RBM28: variants seen among roughly 807,000 people sequenced by gnomAD.
RBM28 encodes RNA-binding protein 28.
RBM28 carries 78 observed loss-of-function variants against 98.3 expected under a neutral mutation model. The observed-to-expected ratio is 0.79, with a 90% CI of 0.66 to 0.96. RBM28 has a LOEUF of 0.96. Among genes scored for constraint, RBM28 ranks in the 40% least tolerant of loss-of-function variants. The probability of loss-of-function intolerance (pLI) is 0.00; values close to 1 mark genes in which losing one functional copy is unlikely to be tolerated. For missense variants in RBM28, 838 were observed against 913.0 expected, an observed-to-expected ratio of 0.92 and a Z score of 1.06; for synonymous variants, 306 against 330.9, an observed-to-expected ratio of 0.92 and a Z score of 0.82.
intron 14 of RBM28, 90 bp from the exon 15 acceptor site, chr7:128,318,196 G>A (rs1796147192): frequency 7.4e-7 from 1 of 1,344,468 alleles, no homozygotes; most frequent in Non-Finnish European, 1.0e-6. Flanking sequence ...TAAGAAATCA[G>A]GCTATTGGGT....
chr7:128,330,332 C>T (rs917775728), intron 10 of RBM28, among the ~76,000 whole-genome samples: 3 of 145,996 alleles, frequency 2.1e-5, no homozygotes, highest in Admixed American at 1.4e-4. Flanking sequence ...ATTAAAGATG[C>T]TGAGTGTGAC....
In RBM28 at chr7:128,309,563, G is replaced by C. The variant is rs1795935180; in HGVS notation, c.*1234C>G. The C allele has an allele frequency of 6.6e-6, 1 of 151,634 alleles. No individual in the cohort carries two copies. Among genetic ancestry groups the C allele is most frequent in the Non-Finnish European group, 1.5e-5 (1 of 68,032 alleles). The allele number at this position is 151,634 out of a possible 1,614,324, so 9.4% of individuals were successfully genotyped here. ...CGGGAAAGTCGCTTGAACCCGGGAG[G>C]TGGAGGTTGCAATGAGCTGAGACAG... On this transcript the variant is annotated 3_prime_UTR_variant, in exon 19 of 19. Coordinates refer to ENST00000223073, the MANE Select transcript of RBM28 (RefSeq NM_018077.3).
intron 9 of RBM28, among the ~76,000 whole-genome samples, chr7:128,331,761 AT>A (rs1434664218): frequency 6.6e-6 from 1 of 151,904 alleles, no homozygotes; most frequent in Non-Finnish European, 1.5e-5. Flanking sequence ...TCAACACAGT[AT>A]AAAGATTCCT....
chr7:128,333,352 G>T lies in RBM28; in HGVS notation c.957C>A (p.Val319=). 1 of 1,598,996 alleles carries T rather than the reference G, an allele frequency of 6.3e-7. No homozygotes were observed. Among genetic ancestry groups the T allele is most frequent in the Non-Finnish European group, 8.6e-7 (1 of 1,166,298 alleles). Residue 319 remains valine (V), a synonymous_variant, in exon 9 of 19, where the codon GTC becomes GTA. Coordinates refer to ENST00000223073, the MANE Select transcript of RBM28 (RefSeq NM_018077.3). ...GTAATTTCCTCTTCTTTTTGTTTGA[G>T]ACTTGCACAGCTAAGGTAAAAAGAA... ...TEEQEDKAVQ[V]SNKKKRKLPS... is the part of the protein sequence containing the mutation.
rs1189267864 is a variant in RBM28, at chr7:128,303,238, G to A, written c.*7559C>T. 1 of 152,198 alleles carries A rather than the reference G, an allele frequency of 6.6e-6. No homozygotes were observed. The highest frequency in any genetic ancestry group is 2.4e-5 in the African/African-American group (1 of 41,438). The allele number at this position is 152,198 out of a possible 1,614,324, so 9.4% of individuals were successfully genotyped here. On this transcript the variant is annotated 3_prime_UTR_variant, in exon 19 of 19. Transcript: ENST00000223073. Reference sequence around the variant, plus strand: ...GAGACAGTTCCTGAAATAGGCCCTAGAGACAGCACTCACGGCCAAGTGGGA... The same window carrying A: ...GAGACAGTTCCTGAAATAGGCCCTAAAGACAGCACTCACGGCCAAGTGGGA...
In RBM28 at chr7:128,310,982, T is replaced by A. The variant is rs367982445; in HGVS notation, c.2146-51A>T. The A allele has an allele frequency of 1.9e-6, 3 of 1,576,580 alleles. No homozygotes were observed. In the African/African-American group the frequency reaches 4.1e-5, roughly 21 times the overall value. ...AATATAATCAATTTCAAAGACTATA[T>A]ATCACCTTACCCTCAGGCCACCCAA... On this transcript the variant is annotated intron_variant, in intron 18 of 18. Coordinates refer to ENST00000223073, the MANE Select transcript of RBM28 (RefSeq NM_018077.3).
chr7:128,325,890 A>G lies in RBM28; in HGVS notation c.1131T>C (p.Gly377=). The part of the protein sequence containing the change: ...VLHPDTEHSK[G]CAFAQFMTQE... Reference sequence around the variant, plus strand: ...GAGTCATGAACTGGGCAAATGCACAACCTGCACAAGGAGACACAATTCAGT... The same window carrying G: ...GAGTCATGAACTGGGCAAATGCACAGCCTGCACAAGGAGACACAATTCAGT... The change falls in exon 11 of 19, where the codon GGT becomes GGC. Residue 377 remains glycine, a splice_region_variant and synonymous_variant. Coordinates refer to ENST00000223073, the MANE Select transcript of RBM28 (RefSeq NM_018077.3). 2.5e-6 allele frequency: 4 copies of G among 1,613,224 alleles called. No homozygotes were observed. Among genetic ancestry groups the G allele is most frequent in the Non-Finnish European group, 3.4e-6 (4 of 1,179,382 alleles).
At position 128,343,665 on chromosome 7, in the gene RBM28, C is replaced by T; in HGVS notation, c.118+11G>A. On this transcript the variant is annotated intron_variant, in intron 1 of 18. Coordinates refer to ENST00000223073, the MANE Select transcript of RBM28 (RefSeq NM_018077.3). ...AAACCCCAGCCCTATCCTCGACCGCCCCGCCCCTACCTTTTTCAGTCACCA... is the reference window on the plus strand; with the variant it reads ...AAACCCCAGCCCTATCCTCGACCGCTCCGCCCCTACCTTTTTCAGTCACCA... The T allele has an allele frequency of 4.4e-6, 7 of 1,598,582 alleles. No homozygotes were observed. The highest frequency in any genetic ancestry group is 6.0e-6 in the Non-Finnish European group (7 of 1,170,350).
rs1584625887 is a variant in RBM28, at chr7:128,304,429, C to T, written c.*6368G>A. On this transcript the variant is annotated 3_prime_UTR_variant, in exon 19 of 19. Coordinates refer to ENST00000223073, the MANE Select transcript of RBM28 (RefSeq NM_018077.3). Reference sequence around the variant, plus strand: ...GTTCAGTGCTAACTCACCCTTCTGACAGAAAATGCCAGAAAGTTTCCACCC... The same window carrying T: ...GTTCAGTGCTAACTCACCCTTCTGATAGAAAATGCCAGAAAGTTTCCACCC... The T allele has an allele frequency of 6.6e-6, 1 of 152,220 alleles. No individual in the cohort carries two copies. The highest frequency in any genetic ancestry group is 1.9e-4 in the East Asian group (1 of 5,206). The allele number at this position is 152,220 out of a possible 1,614,324, so 9.4% of individuals were successfully genotyped here.
rs551832928 is a variant in RBM28, at chr7:128,333,326, G to A, written c.983C>T (p.Pro328Leu). 51 of 1,605,902 alleles carry A rather than the reference G, an allele frequency of 3.2e-5. No individual in the cohort carries two copies. The highest frequency in any genetic ancestry group is 1.1e-4 in the East Asian group (5 of 44,822). ...QVSNKKKRKL[P>L]SDVNEGKTVF... ...AGTTTTCCCTTCATTCACATCAGAG[G>A]GTAATTTCCTCTTCTTTTTGTTTGA... Residue 328 changes from proline (P) to leucine (L), a missense_variant, in exon 9 of 19, where the codon CCC becomes CTC. By Grantham distance (98) the Pro-to-Leu change is moderately conservative. Transcript: ENST00000223073.
intron 18 of RBM28, among the ~76,000 whole-genome samples, chr7:128,312,366 C>A (rs1796004176): frequency 6.6e-6 from 1 of 152,118 alleles, no homozygotes; most frequent in Non-Finnish European, 1.5e-5. Flanking sequence ...CCATTGCACT[C>A]CAGCCTAGGC....
At position 128,307,471 on chromosome 7, in the gene RBM28, A is replaced by AT. The variant is rs1783798084; in HGVS notation, c.*3325dup. 6.7e-6 allele frequency: 1 copy of AT among 149,500 alleles called. No individual in the cohort carries two copies. Among genetic ancestry groups the AT allele is most frequent in the South Asian group, 2.1e-4 (1 of 4,834 alleles). The allele number at this position is 149,500 out of a possible 1,614,324, so 9.3% of individuals were successfully genotyped here. A position where few individuals can be genotyped will look rare whatever the true frequency, so the allele number is the denominator to read the frequency against. ...GAAAACCTCTTTTCAAGACAAAAACATACCAAAGTACATTTTGAAGTATTT... is the reference window on the plus strand; with the variant it reads ...GAAAACCTCTTTTCAAGACAAAAACATTACCAAAGTACATTTTGAAGTATTT... On this transcript the variant is annotated 3_prime_UTR_variant, in exon 19 of 19. Coordinates refer to ENST00000223073, the MANE Select transcript of RBM28 (RefSeq NM_018077.3).
chr7:128,333,488 C>A, intron 8 of RBM28, 126 bp from the exon 9 acceptor site: 1 of 764,816 alleles, frequency 1.3e-6, no homozygotes, highest in Non-Finnish European at 2.2e-6. Flanking sequence ...AAAGCCCAGG[C>A]GGGCTGATCA....
intron 18 of RBM28, among the ~76,000 whole-genome samples, chr7:128,312,698 AT>A (rs1319959713): frequency 6.6e-6 from 1 of 152,146 alleles, no homozygotes; most frequent in African/African-American, 2.4e-5. Context: ...GTATAAAAAA[AT>A]TTTTTTCAGG....
Position 128,308,025 on chromosome 7 carries a change from C to T in RBM28, c.*2772G>A, listed in dbSNP as rs1336647221. 1 of 152,148 alleles carries T rather than the reference C, an allele frequency of 6.6e-6. No individual in the cohort carries two copies. The highest frequency in any genetic ancestry group is 1.5e-5 in the Non-Finnish European group (1 of 68,016). The allele number at this position is 152,148 out of a possible 1,614,324, so 9.4% of individuals were successfully genotyped here. ...ACTCCATTTCCTGACACATCAGGCC[C>T]TGAAGTGAAGGAGAAGTGAGCACAA... On this transcript the variant is annotated 3_prime_UTR_variant, in exon 19 of 19. Coordinates refer to ENST00000223073, the MANE Select transcript of RBM28 (RefSeq NM_018077.3).
At position 128,313,416 on chromosome 7, in the gene RBM28, C is replaced by T. The variant is rs1584633940; in HGVS notation, c.2046-142G>A. ...GATACTGCAACAGACCCTCTGAAAG[C>T]TCAACATTTGTATACTTAGGACTGC... On this transcript the variant is annotated intron_variant, in intron 17 of 18. Transcript: ENST00000223073. The T allele has an allele frequency of 3.1e-5, 26 of 841,152 alleles. No individual in the cohort carries two copies. In the East Asian group the frequency reaches 4.7e-4, roughly 15 times the overall value. 52.1% of individuals were successfully genotyped at this position (841,152 alleles called of 1,614,324 possible).
Position 128,298,432 on chromosome 7 carries a change from G to GCCCA in RBM28, c.*12364_*12365insTGGG, listed in dbSNP as rs1795736887. The GCCCA allele has an allele frequency of 6.6e-6, 1 of 152,048 alleles. No individual in the cohort carries two copies. Among genetic ancestry groups the GCCCA allele is most frequent in the Admixed American group, 6.5e-5 (1 of 15,268 alleles). 9.4% of individuals were successfully genotyped at this position (152,048 alleles called of 1,614,324 possible). The stretch of plus-strand genomic sequence containing the variant: ...TACTATTTCTCTTTATTTCTCAGTC[G>GCCCA]GCCGACACTTATGGAAAATAGAAAG... On this transcript the variant is annotated 3_prime_UTR_variant, in exon 19 of 19. Transcript: ENST00000223073.
chr7:128,309,126 T>G lies in RBM28; in HGVS notation c.*1671A>C, dbSNP rs568070657. 2.0e-5 allele frequency: 3 copies of G among 152,386 alleles called. No individual in the cohort carries two copies. The highest frequency in any genetic ancestry group is 7.2e-5 in the African/African-American group (3 of 41,578). 9.4% of individuals were successfully genotyped at this position (152,386 alleles called of 1,614,324 possible). A position where few individuals can be genotyped will look rare whatever the true frequency, so the allele number is the denominator to read the frequency against. ...TTGCCTACTGAATACTGTTTCTTCC[T>G]TTCCTACCTTATTTTTTTCATTCAA... On this transcript the variant is annotated 3_prime_UTR_variant, in exon 19 of 19. Coordinates refer to ENST00000223073, the MANE Select transcript of RBM28 (RefSeq NM_018077.3).
At chr7:128,330,015 A>C (rs1028952873) in intron 10 of RBM28, among the ~76,000 whole-genome samples, 2 of 152,154 alleles carry the variant, frequency 1.3e-5, no homozygotes, top group African/African-American at 4.8e-5. Context: ...AGAACGAAGA[A>C]TGGTCAATGC....
Sources: allele counts gnomAD v4.1 joint callset (sites outside exome capture counted in the v4.1 genomes callset), GRCh38; gene constraint gnomAD v4.1.1; transcripts MANE v1.5; gene names NCBI Gene and HGNC (gene_info 2026-07-23, HGNC 2026-07-21).